MPDU1: variants seen among roughly 807,000 people sequenced by gnomAD.
The protein encoded by MPDU1 is mannose-P-dolichol utilization defect 1 protein.
MPDU1 carries 18 observed loss-of-function variants against 27.6 expected under a neutral mutation model. That is an observed-to-expected ratio of 0.65 (90% CI 0.45 to 0.97). The LOEUF (loss-of-function observed/expected upper bound fraction) is 0.97. MPDU1 is among the 50% of genes least tolerant of loss of function. The pLI is 0.00. For synonymous variants in MPDU1, 142 were observed against 131.1 expected (o/e 1.08, Z -0.57); for missense variants, 279 against 297.4 (o/e 0.94, Z 0.46).
At position 7,587,500 on chromosome 17, in the gene MPDU1, G is replaced by A. The variant is rs1173539468; in HGVS notation, c.693G>A (p.Leu231=). The A allele has an allele frequency of 1.2e-6, 2 of 1,613,704 alleles. No homozygotes were observed. The highest frequency in any genetic ancestry group is 1.1e-5 in the South Asian group (1 of 91,054). The change falls in exon 7 of 7, where the codon CTG becomes CTA. Residue 231 remains leucine, a synonymous_variant. Transcript: ENST00000250124. The stretch of plus-strand genomic sequence containing the variant: ...GCAACGGCCTCATCGCCGCCCAGCT[G>A]CTCTTCTACTGGAATGCAAAGCCTC... ...SLCNGLIAAQ[L]LFYWNAKPPH... is the part of the protein sequence containing the mutation.
chr17:7,587,451 G>A lies in MPDU1; in HGVS notation c.644G>A (p.Gly215Glu), dbSNP rs201038563. The change falls in exon 7 of 7, where the codon GGG becomes GAG. Residue 215 changes from glycine (G) to glutamate (E), a missense_variant. By Grantham distance (98) the Gly-to-Glu change is moderately conservative. Transcript: ENST00000250124. Reference protein sequence around the residue: ...IQETGDPLMAGTFVVSSLCNG... With the variant: ...IQETGDPLMAETFVVSSLCNG... ...GAAACCGGAGATCCCCTGATGGCTG[G>A]GACCTTTGTGGTCTCCTCTCTCTGC... is the stretch of plus-strand genomic sequence containing the variant. 7.4e-5 allele frequency: 119 copies of A among 1,613,714 alleles called. No individual in the cohort carries two copies. Among genetic ancestry groups the A allele is most frequent in the Non-Finnish European group, 9.8e-5 (116 of 1,179,972 alleles).
Position 7,587,406 on chromosome 17 carries a change from G to C in MPDU1, c.619-20G>C, listed in dbSNP as rs1171329817. On this transcript the variant is annotated intron_variant, in intron 6 of 6. Coordinates refer to ENST00000250124, the MANE Select transcript of MPDU1 (RefSeq NM_004870.4). Reference sequence around the variant, plus strand: ...TGAGCTATGCTGAAGGGTAACCCTGGCTCTGTCTCTTGCAACCAGGAAACC... The same window carrying C: ...TGAGCTATGCTGAAGGGTAACCCTGCCTCTGTCTCTTGCAACCAGGAAACC... The C allele has an allele frequency of 3.1e-6, 5 of 1,613,982 alleles. No individual in the cohort carries two copies. The highest frequency in any genetic ancestry group is 4.2e-6 in the Non-Finnish European group (5 of 1,179,984).
chr17:7,586,574 T>G, intron 3 of MPDU1, 118 bp from the exon 4 acceptor site: 3 of 890,448 alleles, frequency 3.4e-6, no homozygotes, highest in South Asian at 1.3e-5. Context: ...GCCAGTCCCG[T>G]GTGGGGGCTG....
Position 7,586,831 on chromosome 17 carries a change from G to A in MPDU1, c.388+54G>A, listed in dbSNP as rs1489907279. 5 of 1,611,840 alleles carry A rather than the reference G, an allele frequency of 3.1e-6. No individual in the cohort carries two copies. In the African/African-American group the frequency reaches 6.7e-5, roughly 22 times the overall value. ...GTGTGGTTCCTGGGAACCCTGCTGG[G>A]AACTCAGGTCTGGGAAAGCCAAATG... On this transcript the variant is annotated intron_variant, in intron 4 of 6. Coordinates refer to ENST00000250124, the MANE Select transcript of MPDU1 (RefSeq NM_004870.4).
At chr17:7,583,760 G>A, upstream of MPDU1, 1 of 1,247,182 alleles carries the variant, frequency 8.0e-7, no homozygotes. Context: ...GGGCGGGCCA[G>A]CTTCGCCGCG....
At position 7,583,887 on chromosome 17, in the gene MPDU1, C is replaced by G. The variant is rs766706923; in HGVS notation, c.25C>G (p.Leu9Val). 2 of 1,614,182 alleles carry G rather than the reference C, an allele frequency of 1.2e-6. No individual in the cohort carries two copies. Among genetic ancestry groups the G allele is most frequent in the Non-Finnish European group, 1.7e-6 (2 of 1,180,052 alleles). MAAEADGP[L>V]KRLLVPILLP... ...TATGGCGGCCGAGGCGGACGGACCG[C>G]TTAAACGGCTGCTCGTGCCGATTCT... is the stretch of plus-strand genomic sequence containing the variant. The change falls in exon 1 of 7, where the codon CTT (leucine) becomes GTT (valine). Residue 9 changes from leucine to valine, a missense_variant. Leu to Val is a conservative substitution (Grantham distance 32). Coordinates refer to ENST00000250124, the MANE Select transcript of MPDU1 (RefSeq NM_004870.4).
upstream of MPDU1, chr17:7,583,831 C>T (rs752297839): frequency 1.2e-6 from 2 of 1,608,638 alleles, no homozygotes; most frequent in Non-Finnish European, 1.7e-6. Context: ...CAATGGCGGT[C>T]TGGAGAGACT....
rs1034020345 is a variant in MPDU1 at position 7,586,211 on chromosome 17, C to T, written c.302+133C>T. On this transcript the variant is annotated intron_variant, in intron 3 of 6. Coordinates refer to ENST00000250124, the MANE Select transcript of MPDU1 (RefSeq NM_004870.4). ...CTGTAACCCCAGCACTTTGGGAGGC[C>T]GAGGCGGGTGGATCACCTGAGGTCA... The T allele has an allele frequency of 2.2e-5, 24 of 1,112,924 alleles. 1 individual carries two copies. Among genetic ancestry groups the T allele is most frequent in the African/African-American group, 1.1e-4 (7 of 64,550 alleles). 68.9% of individuals were successfully genotyped at this position (1,112,924 alleles called of 1,614,324 possible).
intron 1 of MPDU1, 143 bp downstream of exon 1, chr17:7,584,108 G>A: frequency 3.6e-6 from 3 of 835,660 alleles, no homozygotes; most frequent in Admixed American, 1.9e-5. Context: ...GGGCGGAAGT[G>A]TCTCGGGCTC....
At chr17:7,586,200 C>A in intron 3 of MPDU1, 122 bp downstream of exon 3, 1 of 1,243,802 alleles carries the variant, frequency 8.0e-7, no homozygotes, top group Non-Finnish European at 1.1e-6. Flanking sequence ...AACCCCAGCA[C>A]TTTGGGAGGC....
rs763418089 is a variant in MPDU1 at position 7,587,235 on chromosome 17, T to C, written c.582T>C (p.Phe194=). The change falls in exon 6 of 7, where the codon TTT becomes TTC. Residue 194 remains phenylalanine (F), a synonymous_variant. Transcript: ENST00000250124. ...CAGCCATCACAGTCTTCCTGCTGTT[T>C]GGGGGCTCCCTGGCCCGAATCTTCA... is the stretch of plus-strand genomic sequence containing the variant. ...QLSAITVFLL[F]GGSLARIFTS... is the part of the protein sequence containing the mutation. 2 of 1,614,068 alleles carry C rather than the reference T, an allele frequency of 1.2e-6. No individual in the cohort carries two copies. The highest frequency in any genetic ancestry group is 8.5e-7 in the Non-Finnish European group (1 of 1,179,994).
At chr17:7,585,710 T>C (rs1432922881) in intron 1 of MPDU1, 22 bp from the exon 2 acceptor site, 5 of 1,613,510 alleles carry the variant, frequency 3.1e-6, no homozygotes, top group Non-Finnish European at 4.2e-6. Flanking sequence ...TCCTGTCTGC[T>C]TACCCTTTTT....
In MPDU1 at chr17:7,585,714, C is replaced by T. The variant is rs1315084124; in HGVS notation, c.104-18C>T. 1.9e-6 allele frequency: 3 copies of T among 1,613,858 alleles called. No individual in the cohort carries two copies. The highest frequency in any genetic ancestry group is 1.7e-5 in the Admixed American group (1 of 60,006). On this transcript the variant is annotated intron_variant, in intron 1 of 6. Coordinates refer to ENST00000250124, the MANE Select transcript of MPDU1 (RefSeq NM_004870.4). The stretch of plus-strand genomic sequence containing the variant: ...TTTCAGACATCTCCTGTCTGCTTAC[C>T]CTTTTTTCTCTCCTCAGTCCCCTGC...
At position 7,583,895 on chromosome 17, in the gene MPDU1, G is replaced by T; in HGVS notation, c.33G>T (p.Arg11=). Residue 11 remains arginine (R), a synonymous_variant, in exon 1 of 7, where the codon CGG becomes CGT. Coordinates refer to ENST00000250124, the MANE Select transcript of MPDU1 (RefSeq NM_004870.4). MAAEADGPLK[R]LLVPILLPEK... ...CCGAGGCGGACGGACCGCTTAAACGGCTGCTCGTGCCGATTCTTTTACCTG... is the reference window on the plus strand; with the variant it reads ...CCGAGGCGGACGGACCGCTTAAACGTCTGCTCGTGCCGATTCTTTTACCTG... The T allele has an allele frequency of 6.2e-7, 1 of 1,614,182 alleles. No homozygotes were observed. The highest frequency in any genetic ancestry group is 8.5e-7 in the Non-Finnish European group (1 of 1,180,052).
rs777084175 is a variant in MPDU1, at chr17:7,585,757, C to T, written c.129C>T (p.Ser43=). 6.2e-7 allele frequency: 1 copy of T among 1,614,144 alleles called. No individual in the cohort carries two copies. Among genetic ancestry groups the T allele is most frequent in the African/African-American group, 1.3e-5 (1 of 75,006 alleles). ...LHVPCLKILL[S]KGLGLGIVAG... is the part of the protein sequence containing the mutation. ...TCCCCTGCCTCAAGATTCTCCTCAG[C>T]AAAGGCCTGGGGCTGGGCATTGTGG... The change falls in exon 2 of 7, where the codon AGC becomes AGT. Residue 43 remains serine (S), a synonymous_variant. Transcript: ENST00000250124.
intron 1 of MPDU1, chr17:7,584,167 G>T (rs2071542789): frequency 1.6e-6 from 1 of 634,350 alleles, no homozygotes; most frequent in Non-Finnish European, 2.8e-6. Flanking sequence ...TCACCGGGTG[G>T]AATTACTTCT....
chr17:7,583,749 G>T, upstream of MPDU1: 1 of 1,088,276 alleles, frequency 9.2e-7, no homozygotes, highest in East Asian at 2.3e-5. Context: ...AGCGGGGCAC[G>T]GGGCGGGCCA....
intron 3 of MPDU1, 90 bp downstream of exon 3, chr17:7,586,168 G>A (rs1166073326): frequency 1.1e-5 from 17 of 1,516,880 alleles, no homozygotes; most frequent in South Asian, 7.0e-5. Context: ...CAAAGTGGCC[G>A]GGCCCAGTGG....
intron 3 of MPDU1, chr17:7,586,481 C>A: frequency 1.6e-6 from 1 of 637,244 alleles, no homozygotes; most frequent in Admixed American, 2.5e-5. Context: ...AAGTTTTAAG[C>A]CCTTTTAGAA....
Sources: allele counts gnomAD v4.1 joint callset, GRCh38; gene constraint gnomAD v4.1.1; transcripts MANE v1.5; gene names NCBI Gene and HGNC (gene_info 2026-07-23, HGNC 2026-07-21).